The following TMEM272 variants were observed in gnomAD, a reference collection of about 807,000 sequenced individuals.
TMEM272 encodes long intergenic non-protein coding RNA 282.
In TMEM272, 8 loss-of-function variants were observed where a neutral mutation model predicts 3.7. The ratio of observed to expected loss-of-function variants is 2.17; its 90% CI spans 1.27 to 3.91. The LOEUF (loss-of-function observed/expected upper bound fraction) is 3.91. Ranked by LOEUF, TMEM272 falls within the 30% of genes most tolerant of loss-of-function variation. The pLI, the probability that TMEM272 is intolerant of heterozygous loss-of-function variation, is 0.00. For missense variants in TMEM272, 166 were observed against 91.5 expected, an observed-to-expected ratio of 1.81 and a Z score of -3.32; for synonymous variants, 63 against 39.8, an observed-to-expected ratio of 1.58 and a Z score of -2.20.
At chr13:51,921,133 G>A in the TMEM272 span, 9 of 152,374 alleles carry the variant, frequency 5.9e-5, no homozygotes, top group South Asian at 1.9e-3. Flanking sequence ...TGAGAATGGA[G>A]AAGCGGCTAC....
chr13:51,928,358 C>T, the TMEM272 span, among the ~76,000 whole-genome samples: 1 of 152,248 alleles, frequency 6.6e-6, no homozygotes, highest in Admixed American at 6.5e-5. Flanking sequence ...TTCTTGAGCA[C>T]TCCGGATGTG....
At chr13:51,893,679 G>A in the TMEM272 span, among the ~76,000 whole-genome samples, 4 of 152,110 alleles carry the variant, frequency 2.6e-5, no homozygotes, top group East Asian at 1.9e-4. Context: ...CTGAAGACTC[G>A]ATCACCAGGG....
chr13:51,877,629 T>C, the TMEM272 span, among the ~76,000 whole-genome samples: 1 of 152,254 alleles, frequency 6.6e-6, no homozygotes, highest in Non-Finnish European at 1.5e-5. Context: ...TATTTCCTGA[T>C]GTGTCTAAAT....
At chr13:51,895,245 G>A in the TMEM272 span, among the ~76,000 whole-genome samples, 5 of 152,228 alleles carry the variant, frequency 3.3e-5, no homozygotes, top group Non-Finnish European at 5.9e-5. Flanking sequence ...GCCTGGCTGA[G>A]ATGCATGTGG....
At chr13:51,859,648 C>T in the TMEM272 span, among the ~76,000 whole-genome samples, 1 of 152,064 alleles carries the variant, frequency 6.6e-6, no homozygotes, top group Non-Finnish European at 1.5e-5. Context: ...AATGCCCACA[C>T]ATGATAAAAA....
At chr13:51,927,824 T>A in the TMEM272 span, among the ~76,000 whole-genome samples, 4 of 152,184 alleles carry the variant, frequency 2.6e-5, no homozygotes, top group Non-Finnish European at 5.9e-5. Context: ...TTTATGAGTG[T>A]CTGCTGTGTG....
chr13:51,842,366 A>G (rs60454570), intron 1 of TMEM272, among the ~76,000 whole-genome samples: 112 of 152,376 alleles, frequency 7.4e-4, no homozygotes, highest in African/African-American at 2.6e-3. Flanking sequence ...AATGAAAAGT[A>G]GTTTGCTTTC....
At chr13:51,855,559 CA>C in the TMEM272 span, among the ~76,000 whole-genome samples, 58 of 152,034 alleles carry the variant, frequency 3.8e-4, no homozygotes, top group African/African-American at 1.4e-3. Flanking sequence ...AATTAAAAAT[CA>C]AGATGGATAA....
At chr13:51,910,415 C>G in the TMEM272 span, 1 of 1,000,924 alleles carries the variant, frequency 1.0e-6, no homozygotes, top group South Asian at 1.3e-5. Flanking sequence ...CCACATAAAG[C>G]CGACTCCTAA....
At chr13:51,902,281 G>C in the TMEM272 span, among the ~76,000 whole-genome samples, 1 of 152,188 alleles carries the variant, frequency 6.6e-6, no homozygotes, top group South Asian at 2.1e-4. Context: ...TGAAGGGGTG[G>C]TAGGCATTAC....
the TMEM272 span, among the ~76,000 whole-genome samples, chr13:51,928,517 G>C: frequency 6.6e-6 from 1 of 152,204 alleles, no homozygotes; most frequent in African/African-American, 2.4e-5. Context: ...AGGATGATCT[G>C]AGGGAGACGG....
At chr13:51,832,731 G>A (rs1350672007) in intron 2 of TMEM272, among the ~76,000 whole-genome samples, 1 of 152,124 alleles carries the variant, frequency 6.6e-6, no homozygotes, top group Non-Finnish European at 1.5e-5. Context: ...ATCCCCAGAG[G>A]TCACAGCCAA....
At chr13:51,863,663 G>T in the TMEM272 span, among the ~76,000 whole-genome samples, 1 of 118,904 alleles carries the variant, frequency 8.4e-6, no homozygotes, top group Non-Finnish European at 1.7e-5. Flanking sequence ...TCATATGCAC[G>T]CGCACACAGA....
intron 3 of TMEM272, among the ~76,000 whole-genome samples, chr13:51,825,832 C>CGG (rs1956120212): frequency 1.3e-5 from 2 of 152,010 alleles, no homozygotes; most frequent in Admixed American, 6.6e-5. Flanking sequence ...TAGTCTCAAA[C>CGG]TCCTGGGCTC....
chr13:51,916,641 T>A, the TMEM272 span, among the ~76,000 whole-genome samples: 2 of 152,176 alleles, frequency 1.3e-5, no homozygotes, highest in African/African-American at 4.8e-5. Flanking sequence ...GCATCCCAGG[T>A]AGGGCCTGGT....
chr13:51,852,233 CTAATTA>C, the TMEM272 span, among the ~76,000 whole-genome samples: 3 of 152,204 alleles, frequency 2.0e-5, no homozygotes, highest in Non-Finnish European at 2.9e-5. Context: ...TTGCATTTCT[CTAATTA>C]TAAGTATGGT....
At chr13:51,818,511 C>T (rs938774016) in intron 4 of TMEM272, among the ~76,000 whole-genome samples, 3 of 152,156 alleles carry the variant, frequency 2.0e-5, no homozygotes, top group Non-Finnish European at 4.4e-5. Flanking sequence ...GATAGTGACT[C>T]TGGGAATGGA....
At chr13:51,884,880 CA>C in the TMEM272 span, among the ~76,000 whole-genome samples, 1 of 152,188 alleles carries the variant, frequency 6.6e-6, no homozygotes, top group Non-Finnish European at 1.5e-5. Flanking sequence ...TTAAACTCTC[CA>C]AGTCTCTGTC....
the TMEM272 span, chr13:51,909,601 G>A: frequency 1.6e-6 from 2 of 1,258,426 alleles, no homozygotes; most frequent in South Asian, 2.4e-5. Context: ...ATCAACTTCA[G>A]ATAACTGAAT....
Sources: gnomAD v4.1 joint callset for allele counts (sites outside exome capture counted in the v4.1 genomes callset) on GRCh38, gnomAD v4.1.1 for gene constraint, MANE v1.5 for transcripts, NCBI Gene and HGNC (gene_info 2026-07-23, HGNC 2026-07-21) for gene names.